Variants in GPHN observed in about 807,000 individuals in gnomAD.
GPHN encodes the protein gephyrin.
In GPHN, 17 loss-of-function variants were observed where a neutral mutation model predicts 95.5. The observed-to-expected ratio is 0.18, with a 90% CI of 0.12 to 0.27. GPHN has a LOEUF of 0.27. GPHN is among the 10% of genes least tolerant of loss of function. The pLI is 1.00. For synonymous variants in GPHN, 320 were observed against 322.5 expected (o/e 0.99, Z 0.08); for missense variants, 660 against 978.1 (o/e 0.67, Z 4.34).
chr14:67,180,949 A>C lies in GPHN; in HGVS notation c.*12A>C, dbSNP rs1380420430. ...TTGGACGGCTATGATGGTCACCAGC[A>C]GGAGAAAGCTTTGATGCATGTCCAC... is the stretch of plus-strand genomic sequence containing the variant. On this transcript the variant is annotated 3_prime_UTR_variant, in exon 23 of 23. Transcript: ENST00000478722. 6.2e-7 allele frequency: 1 copy of C among 1,613,836 alleles called. No individual in the cohort carries two copies. The highest frequency in any genetic ancestry group is 8.5e-7 in the Non-Finnish European group (1 of 1,179,808).
the GPHN span, among the ~76,000 whole-genome samples, chr14:67,602,483 T>TA: frequency 2.6e-5 from 4 of 152,248 alleles, no homozygotes; most frequent in African/African-American, 9.6e-5. Flanking sequence ...GATATTTGCT[T>TA]ATTGTGGAAA....
intron 11 of GPHN, among the ~76,000 whole-genome samples, chr14:67,066,153 A>C (rs777774370): frequency 1.7e-4 from 26 of 152,136 alleles, no homozygotes; most frequent in Non-Finnish European, 3.1e-4. Flanking sequence ...ATCTCTGAGC[A>C]TTTGCTTGTC....
chr14:67,334,517 A>G, the GPHN span: 2 of 152,762 alleles, frequency 1.3e-5, no homozygotes, highest in South Asian at 2.1e-4. Flanking sequence ...TGTCATGTAC[A>G]TATTTGATTG....
At chr14:67,232,660 G>A in the GPHN span, among the ~76,000 whole-genome samples, 1 of 151,968 alleles carries the variant, frequency 6.6e-6, no homozygotes, top group Non-Finnish European at 1.5e-5. Context: ...CTTTGAAATC[G>A]CTCCATTTTC....
chr14:67,345,797 C>G, the GPHN span: 1 of 1,614,008 alleles, frequency 6.2e-7, no homozygotes, highest in African/African-American at 1.3e-5. Context: ...ACCAGTAGTT[C>G]CACTGCTTTG....
chr14:67,152,232 C>T (rs908701276), intron 18 of GPHN, among the ~76,000 whole-genome samples: 1 of 152,156 alleles, frequency 6.6e-6, no homozygotes, highest in African/African-American at 2.4e-5. Flanking sequence ...AAGAATCTTA[C>T]AATGATATAC....
the GPHN span, chr14:67,575,589 C>A: frequency 1.3e-6 from 1 of 778,126 alleles, no homozygotes. Flanking sequence ...AATACAAAAT[C>A]AGTTGGCTGG....
the GPHN span, among the ~76,000 whole-genome samples, chr14:67,484,480 C>A: frequency 6.6e-6 from 1 of 152,156 alleles, no homozygotes; most frequent in African/African-American, 2.4e-5. Flanking sequence ...AACATGTGCT[C>A]ACAGCTGAAA....
chr14:67,076,200 G>A (rs1337109118), intron 11 of GPHN, among the ~76,000 whole-genome samples: 2 of 152,070 alleles, frequency 1.3e-5, no homozygotes, highest in Admixed American at 6.6e-5. Context: ...CAGCAAAAAC[G>A]TTACAACTCG....
intron 8 of GPHN, among the ~76,000 whole-genome samples, chr14:66,935,565 G>C (rs962653833): frequency 6.6e-6 from 1 of 151,190 alleles, no homozygotes; most frequent in South Asian, 2.1e-4. Context: ...ACATATACAT[G>C]TATACACCAC....
chr14:67,608,477 A>G, the GPHN span, among the ~76,000 whole-genome samples: 1 of 152,128 alleles, frequency 6.6e-6, no homozygotes, highest in African/African-American at 2.4e-5. Context: ...TATCTGAGGG[A>G]GGTCCTGGAA....
In GPHN at chr14:66,998,923, A is replaced by G. The variant is rs1040158130; in HGVS notation, c.964-24710A>G. ...TATATATACACATATATATATATAC[A>G]CACAATTATTTTACTTGTGATAAGC... On this transcript the variant is annotated intron_variant, in intron 9 of 22. Coordinates refer to ENST00000478722, the MANE Select transcript of GPHN (RefSeq NM_020806.5). Among the ~76,000 whole-genome samples the G allele has an allele frequency of 2.0e-5, 3 of 149,820 alleles. No individual in the cohort carries two copies. In the Admixed American group the frequency reaches 2.0e-4, roughly 10 times the overall value.
At chr14:66,875,739 C>A (rs1182439519) in intron 4 of GPHN, among the ~76,000 whole-genome samples, 2 of 152,068 alleles carry the variant, frequency 1.3e-5, no homozygotes, top group South Asian at 2.1e-4. Context: ...ACAGGAGCAC[C>A]CAGATTCATA....
At chr14:66,995,415 C>T (rs540314646) in intron 9 of GPHN, among the ~76,000 whole-genome samples, 9 of 152,042 alleles carry the variant, frequency 5.9e-5, no homozygotes, top group Non-Finnish European at 1.2e-4. Context: ...GTTGCTATTG[C>T]CATTATATTG....
the GPHN span, among the ~76,000 whole-genome samples, chr14:67,732,430 A>G: frequency 6.7e-4 from 2 of 2,992 alleles, no homozygotes; most frequent in African/African-American, 1.7e-3. Context: ...ACCCTATCTC[A>G]AAAAAAAAAA....
At chr14:66,979,431 T>C (rs80094980) in intron 9 of GPHN, among the ~76,000 whole-genome samples, 1,698 of 152,354 alleles carry the variant, frequency 0.011, 26 homozygotes, top group African/African-American at 0.038. Context: ...CACATTGCTC[T>C]TATGTTATAG....
At chr14:67,214,539 A>C in the GPHN span, among the ~76,000 whole-genome samples, 1 of 152,194 alleles carries the variant, frequency 6.6e-6, no homozygotes, top group Non-Finnish European at 1.5e-5. Flanking sequence ...CTGTTTTGGT[A>C]CCAGTACCAT....
intron 1 of GPHN, among the ~76,000 whole-genome samples, chr14:66,544,497 A>G (rs1389792943): frequency 6.6e-6 from 1 of 151,968 alleles, no homozygotes; most frequent in Non-Finnish European, 1.5e-5. Flanking sequence ...TATTTCAAGT[A>G]CCTAGAATAG....
intron 4 of GPHN, among the ~76,000 whole-genome samples, chr14:66,871,189 C>T (rs942226966): frequency 6.6e-6 from 1 of 152,146 alleles, no homozygotes; most frequent in African/African-American, 2.4e-5. Context: ...CTACCTAGTA[C>T]ATAGTAGATG....
Sources: allele counts gnomAD v4.1 joint callset (sites outside exome capture counted in the v4.1 genomes callset), GRCh38; gene constraint gnomAD v4.1.1; transcripts MANE v1.5; gene names NCBI Gene and HGNC (gene_info 2026-07-23, HGNC 2026-07-21).